FYB2: variants seen among roughly 807,000 people sequenced by gnomAD.
The protein encoded by FYB2 is FYN binding protein 2.
Under a neutral mutation model 94.1 loss-of-function variants are expected in FYB2, and 103 were observed. That is an observed-to-expected ratio of 1.09 (90% CI 0.93 to 1.29). FYB2 has a LOEUF of 1.29. Ranked by LOEUF, FYB2 falls within the 50% of genes most tolerant of loss-of-function variation. The pLI, the probability that FYB2 is intolerant of heterozygous loss-of-function variation, is 0.00. For synonymous variants in FYB2, 293 were observed against 287.9 expected, an observed-to-expected ratio of 1.02 and a Z score of -0.18; for missense variants, 896 against 841.5, an observed-to-expected ratio of 1.06 and a Z score of -0.80.
At chr1:56,728,654 A>G (rs747076252) in intron 15 of FYB2, among the ~76,000 whole-genome samples, 1 of 152,160 alleles carries the variant, frequency 6.6e-6, no homozygotes, top group Non-Finnish European at 1.5e-5. Context: ...TGTTACAGGT[A>G]GAACTATTCT....
At chr1:56,788,653 T>G (rs1265033478) in intron 3 of FYB2, among the ~76,000 whole-genome samples, 2 of 152,184 alleles carry the variant, frequency 1.3e-5, no homozygotes, top group South Asian at 4.1e-4. Flanking sequence ...TGGATTGTGT[T>G]GACAACACAG....
chr1:56,763,887 C>T (rs1456969243), intron 5 of FYB2, among the ~76,000 whole-genome samples: 2 of 151,600 alleles, frequency 1.3e-5, no homozygotes, highest in African/African-American at 4.8e-5. Context: ...TTGATTATGA[C>T]TCTTCGCGAG....
intron 1 of FYB2, among the ~76,000 whole-genome samples, chr1:56,816,799 G>C (rs1231111172): frequency 6.6e-6 from 1 of 151,770 alleles, no homozygotes. Flanking sequence ...AAGTCATCTT[G>C]GTAAACCTTG....
chr1:56,764,705 C>T (rs1645580407), intron 5 of FYB2, among the ~76,000 whole-genome samples: 1 of 152,122 alleles, frequency 6.6e-6, no homozygotes, highest in African/African-American at 2.4e-5. Flanking sequence ...GTATTTCAGC[C>T]ATCTCAATTT....
intron 15 of FYB2, among the ~76,000 whole-genome samples, chr1:56,731,096 CA>C (rs1444328556): frequency 6.6e-6 from 1 of 151,328 alleles, no homozygotes; most frequent in African/African-American, 2.4e-5. Context: ...CAAAACAAAA[CA>C]AAAAAACCCA....
At chr1:56,725,876 G>A (rs1245908994) in intron 16 of FYB2, among the ~76,000 whole-genome samples, 2 of 151,982 alleles carry the variant, frequency 1.3e-5, no homozygotes, top group South Asian at 2.1e-4. Context: ...CAAGTCATTT[G>A]TAGAGAAAGT....
intron 9 of FYB2, 31 bp from the exon 10 acceptor site, chr1:56,744,297 T>A (rs1645022879): frequency 6.7e-7 from 1 of 1,493,924 alleles, no homozygotes; most frequent in African/African-American, 1.4e-5. Context: ...CTGAAAAACA[T>A]CACATCAGCT....
chr1:56,744,372 A>C, intron 9 of FYB2, 106 bp from the exon 10 acceptor site: 4 of 781,284 alleles, frequency 5.1e-6, no homozygotes, highest in Non-Finnish European at 8.4e-6. Flanking sequence ...AGGCAGATTA[A>C]ATGGGCTAAA....
At chr1:56,730,948 A>T (rs1476789146) in intron 15 of FYB2, among the ~76,000 whole-genome samples, 1 of 152,156 alleles carries the variant, frequency 6.6e-6, no homozygotes, top group Non-Finnish European at 1.5e-5. Context: ...ATGTAGTGTG[A>T]TATATCCCAG....
chr1:56,739,092 G>T (rs1234822899), intron 13 of FYB2, among the ~76,000 whole-genome samples: 6 of 152,012 alleles, frequency 3.9e-5, no homozygotes, highest in Non-Finnish European at 7.4e-5. Flanking sequence ...TTTAGTGAGA[G>T]ACAGAACTAG....
At chr1:56,720,435 C>A in intron 17 of FYB2, 106 bp from the exon 18 acceptor site, 3 of 1,011,294 alleles carry the variant, frequency 3.0e-6, no homozygotes, top group South Asian at 2.3e-5. Flanking sequence ...ACTCAAGATA[C>A]TATTGACTAG....
At position 56,751,054 on chromosome 1, in the gene FYB2, G is replaced by A. The variant is rs1309866084; in HGVS notation, c.1377C>T (p.Ser459=). ...CPEGPKLARH[S]QGHCGHLEVL... The stretch of plus-strand genomic sequence containing the variant: ...AGAAATGCAACTTACAGTGGCCTTG[G>A]GAGTGCCTGGCCAGCTTTGGGCCCT... The change falls in exon 9 of 20, where the codon TCC becomes TCT. Residue 459 remains serine (S), a synonymous_variant. Transcript: ENST00000343433. 1 of 1,612,252 alleles carries A rather than the reference G, an allele frequency of 6.2e-7. No individual in the cohort carries two copies. Among genetic ancestry groups the A allele is most frequent in the Admixed American group, 1.7e-5 (1 of 59,862 alleles).
chr1:56,794,458 A>G (rs1487697172), intron 1 of FYB2, among the ~76,000 whole-genome samples: 2 of 152,242 alleles, frequency 1.3e-5, no homozygotes, highest in Admixed American at 6.5e-5. Context: ...TTTCATTTAC[A>G]CAGACCATCT....
chr1:56,769,030 C>T (rs2143750), intron 4 of FYB2, among the ~76,000 whole-genome samples: 61,058 of 151,586 alleles, frequency 0.4, 12,744 homozygotes, highest in East Asian at 0.53. Context: ...GAATTATTAT[C>T]ATTAGTATTA....
At chr1:56,723,468 G>A (rs1196833226) in intron 17 of FYB2, 120 bp downstream of exon 17, 5 of 544,310 alleles carry the variant, frequency 9.2e-6, no homozygotes, top group Non-Finnish European at 1.3e-5. Flanking sequence ...GGCTTTTTGT[G>A]TCAAAGATCA....
chr1:56,753,975 G>A (rs1372070083), intron 7 of FYB2, 40 bp from the exon 8 acceptor site: 1 of 1,324,116 alleles, frequency 7.6e-7, no homozygotes, highest in Non-Finnish European at 1.1e-6. Flanking sequence ...ATGAAGCTTA[G>A]AGTGTTTAAA....
At chr1:56,791,899 G>T (rs1048985931) in intron 2 of FYB2, among the ~76,000 whole-genome samples, 157 bp downstream of exon 2, 1 of 152,150 alleles carries the variant, frequency 6.6e-6, no homozygotes, top group African/African-American at 2.4e-5. Flanking sequence ...CAAACCCGAG[G>T]TTACAATTTA....
In FYB2 at chr1:56,813,222, G is replaced by A. The variant is rs758501494; in HGVS notation, c.9+6060C>T. On this transcript the variant is annotated intron_variant, in intron 1 of 19. Coordinates refer to ENST00000343433, the MANE Select transcript of FYB2 (RefSeq NM_001004303.5). ...ACTTGATGTATTAGTCCGTTCTTAC[G>A]CTGCTAATAAAGACATACCTGAGAC... Among the ~76,000 whole-genome samples, 14 of 152,100 alleles carry A rather than the reference G, an allele frequency of 9.2e-5. 1 individual carries two copies. The highest frequency in any genetic ancestry group is 2.7e-4 in the African/African-American group (11 of 41,408).
At chr1:56,724,868 G>T (rs1169415320) in intron 16 of FYB2, among the ~76,000 whole-genome samples, 2 of 152,004 alleles carry the variant, frequency 1.3e-5, no homozygotes, top group Non-Finnish European at 2.9e-5. Context: ...TAATGTTGGA[G>T]GTGGGGCCTA....
Sources: gnomAD v4.1 joint callset for allele counts (sites outside exome capture counted in the v4.1 genomes callset) on GRCh38, gnomAD v4.1.1 for gene constraint, MANE v1.5 for transcripts, NCBI Gene and HGNC (gene_info 2026-07-23, HGNC 2026-07-21) for gene names.